Variants in CFAP54 observed in about 807,000 individuals in gnomAD.
CFAP54 encodes cilia- and flagella-associated protein 54.
Under a neutral mutation model 370.4 loss-of-function variants are expected in CFAP54, and 290 were observed. That is an observed-to-expected ratio of 0.78 (90% CI 0.71 to 0.86). The LOEUF is 0.86. Ranked by LOEUF, CFAP54 falls within the 40% of genes least tolerant of loss-of-function variation. The probability of loss-of-function intolerance (pLI) is 0.00; values close to 1 mark genes in which losing one functional copy is unlikely to be tolerated. For missense variants in CFAP54, 3,399 were observed against 3,528.7 expected (o/e 0.96, Z 0.93); for synonymous variants, 1,206 against 1,236.5 (o/e 0.98, Z 0.52).
intron 9 of CFAP54, among the ~76,000 whole-genome samples, chr12:96,532,515 G>A (rs969402518): frequency 1.3e-5 from 2 of 152,182 alleles, no homozygotes; most frequent in African/African-American, 4.8e-5. Context: ...TTACCCTCAT[G>A]CATATTGATC....
intron 49 of CFAP54, among the ~76,000 whole-genome samples, 160 bp from the exon 50 acceptor site, chr12:96,720,244 CT>C (rs1382858060): frequency 6.6e-6 from 1 of 152,168 alleles, no homozygotes; most frequent in Non-Finnish European, 1.5e-5. Flanking sequence ...TGCCTTTTTC[CT>C]TTTTGCTGAA....
At chr12:96,821,261 AC>A (rs1959030444) in intron 65 of CFAP54, among the ~76,000 whole-genome samples, 1 of 152,160 alleles carries the variant, frequency 6.6e-6, no homozygotes, top group African/African-American at 2.4e-5. Context: ...CAAGAGGTTG[AC>A]TATAAATATA....
At chr12:96,660,110 G>A (rs1312748014) in intron 38 of CFAP54, among the ~76,000 whole-genome samples, 1 of 152,202 alleles carries the variant, frequency 6.6e-6, no homozygotes, top group Non-Finnish European at 1.5e-5. Context: ...TTTAGTAAGG[G>A]TGATCTAGAA....
intron 38 of CFAP54, among the ~76,000 whole-genome samples, chr12:96,662,764 T>C (rs1324960717): frequency 1.3e-5 from 2 of 152,100 alleles, no homozygotes; most frequent in African/African-American, 4.8e-5. Context: ...TTGTATTTGC[T>C]GTTGCCCCTG....
At chr12:96,535,733 G>C (rs1955495692) in intron 12 of CFAP54, 133 bp downstream of exon 12, 3 of 509,934 alleles carry the variant, frequency 5.9e-6, no homozygotes, top group African/African-American at 1.9e-5. Context: ...TAGCATATAG[G>C]ATTAAGTTAG....
At chr12:96,502,615 A>T (rs185580898) in intron 2 of CFAP54, among the ~76,000 whole-genome samples, 1 of 152,160 alleles carries the variant, frequency 6.6e-6, no homozygotes, top group African/African-American at 2.4e-5. Context: ...TAAACAAAAC[A>T]GTGTTTGACT....
intron 66 of CFAP54, among the ~76,000 whole-genome samples, chr12:96,833,765 T>C (rs1017786199): frequency 1.3e-5 from 2 of 152,140 alleles, no homozygotes; most frequent in Non-Finnish European, 2.9e-5. Context: ...TAAACAATAA[T>C]GATAATAGTC....
At chr12:96,758,529 G>T (rs1958292882) in intron 58 of CFAP54, among the ~76,000 whole-genome samples, 1 of 152,164 alleles carries the variant, frequency 6.6e-6, no homozygotes, top group African/African-American at 2.4e-5. Flanking sequence ...CACAATGTGT[G>T]GGAATTTGGG....
chr12:96,638,568 T>A (rs1450728837), intron 32 of CFAP54, among the ~76,000 whole-genome samples: 2 of 152,158 alleles, frequency 1.3e-5, no homozygotes, highest in Admixed American at 1.3e-4. Flanking sequence ...AAAATTGTTT[T>A]CATTCTCATT....
chr12:96,625,781 G>A lies in CFAP54; in HGVS notation c.3950G>A (p.Trp1317Ter), dbSNP rs1463796071. ...TTTCTTTATCCTGTAGTTTTGAATT[G>A]GTCGGTCAAAGGTGCCGTGAAAGAA... Reference protein sequence around the residue: ...PIFLYPVVLNWSVKGAVKEVM... With the variant: ...PIFLYPVVLN The change falls in exon 29 of 68, where the codon TGG (tryptophan) becomes TAG (stop). Residue 1317 changes from tryptophan (W) to a stop codon, truncating the protein, a stop_gained. Transcript: ENST00000524981. LOFTEE classifies it high-confidence loss of function. The A allele has an allele frequency of 6.5e-7, 1 of 1,535,530 alleles. No homozygotes were observed. Among genetic ancestry groups the A allele is most frequent in the Non-Finnish European group, 8.7e-7 (1 of 1,146,656 alleles).
At chr12:96,864,018 AATG>A (rs1413004945) in intron 67 of CFAP54, among the ~76,000 whole-genome samples, 2 of 152,180 alleles carry the variant, frequency 1.3e-5, no homozygotes, top group South Asian at 2.1e-4. Flanking sequence ...GCGGTAAGGA[AATG>A]ATGATGAACT....
chr12:96,507,104 A>T lies in CFAP54; in HGVS notation c.739+5A>T. ...TTTGCTGGATTATCTTCAATGGTAT[A>T]TGCTGATGTATTTTATTTTCCATTG... On this transcript the variant is annotated splice_donor_5th_base_variant and intron_variant, in intron 4 of 67. Transcript: ENST00000524981. The T allele has an allele frequency of 6.7e-7, 1 of 1,491,252 alleles. No individual in the cohort carries two copies. Among genetic ancestry groups the T allele is most frequent in the South Asian group, 1.3e-5 (1 of 76,116 alleles). The allele number at this position is 1,491,252 out of a possible 1,614,324, so 92.4% of individuals were successfully genotyped here.
At chr12:96,816,201 A>G (rs1958973089) in intron 64 of CFAP54, among the ~76,000 whole-genome samples, 1 of 152,086 alleles carries the variant, frequency 6.6e-6, no homozygotes, top group Non-Finnish European at 1.5e-5. Flanking sequence ...ATGATCATGG[A>G]ATGTTTTTCC....
chr12:96,554,423 C>A, intron 16 of CFAP54, 113 bp downstream of exon 16: 1 of 1,283,166 alleles, frequency 7.8e-7, no homozygotes, highest in Non-Finnish European at 1.0e-6. Context: ...TCTCATAGGC[C>A]AGAAATATAT....
rs1958765926 is a variant in CFAP54 at position 96,796,691 on chromosome 12, G to A, written c.8850+4192G>A. Among the ~76,000 whole-genome samples the A allele has an allele frequency of 3.9e-5, 6 of 152,186 alleles. No individual in the cohort carries two copies. In the South Asian group the frequency reaches 1.2e-3, roughly 32 times the overall value. On this transcript the variant is annotated intron_variant, in intron 63 of 67. Coordinates refer to ENST00000524981, the MANE Select transcript of CFAP54 (RefSeq NM_001306084.2). ...ATTTTGGGTTGTCTGTTTCTTCTGAGTCAATTTTAAGTTGCTGTTCTAGGA... is the reference window on the plus strand; with the variant it reads ...ATTTTGGGTTGTCTGTTTCTTCTGAATCAATTTTAAGTTGCTGTTCTAGGA...
At chr12:96,788,409 C>T (rs569845520) in intron 62 of CFAP54, among the ~76,000 whole-genome samples, 1 of 152,148 alleles carries the variant, frequency 6.6e-6, no homozygotes, top group Non-Finnish European at 1.5e-5. Flanking sequence ...ATAAGTTGTA[C>T]AGAATTCTTT....
At chr12:96,752,069 G>A (rs1488050344) in intron 55 of CFAP54, among the ~76,000 whole-genome samples, 2 of 131,434 alleles carry the variant, frequency 1.5e-5, no homozygotes, top group Non-Finnish European at 3.2e-5. Context: ...TAAGGACTCA[G>A]TAACTTCTTC....
chr12:96,649,939 A>G lies in CFAP54; in HGVS notation c.4739A>G (p.Asn1580Ser), dbSNP rs374166730. The G allele has an allele frequency of 6.2e-7, 1 of 1,610,864 alleles. No homozygotes were observed. The highest frequency in any genetic ancestry group is 1.1e-5 in the South Asian group (1 of 90,356). The change falls in exon 35 of 68, where the codon AAT becomes AGT. Residue 1580 changes from asparagine (N) to serine (S), a missense_variant. By Grantham distance (46) the Asn-to-Ser change is conservative. This residue lies in a region of CFAP54 where 2,796 missense variants were observed against 2,869.7 expected (regional missense o/e 0.97). Transcript: ENST00000524981. ...TFINSIMSDENMSKTQTVYDS... is the reference protein window; with the variant it reads ...TFINSIMSDESMSKTQTVYDS... ...ATTAATTCCATAATGAGTGATGAAAATATGTCCAAGACACAAACAGTTTAT... is the reference window on the plus strand; with the variant it reads ...ATTAATTCCATAATGAGTGATGAAAGTATGTCCAAGACACAAACAGTTTAT...
chr12:96,861,014 G>T, intron 67 of CFAP54, 62 bp downstream of exon 67: 5 of 1,257,022 alleles, frequency 4.0e-6, no homozygotes, highest in Non-Finnish European at 5.2e-6. Context: ...TTTTTGGAAC[G>T]GTCCTCTTAT....
Sources: gnomAD v4.1 joint callset for allele counts (sites outside exome capture counted in the v4.1 genomes callset) on GRCh38, gnomAD v4.1.1 for gene constraint, gnomAD v4.1.1 regional missense constraint, MANE v1.5 for transcripts, NCBI Gene and HGNC (gene_info 2026-07-23, HGNC 2026-07-21) for gene names.